Variants in LRP1B observed in about 807,000 individuals in gnomAD.
LRP1B encodes the protein LDL receptor related protein 1B, also known as low-density lipoprotein receptor-related protein 1B.
Under a neutral mutation model 556.6 loss-of-function variants are expected in LRP1B, and 217 were observed. That is an observed-to-expected ratio of 0.39 (90% CI 0.35 to 0.44). LRP1B has a LOEUF of 0.44. Ranked by LOEUF, LRP1B falls within the 20% of genes least tolerant of loss-of-function variation. The pLI is 1.00. For synonymous variants in LRP1B, 2,047 were observed against 1,865.8 expected (o/e 1.10, Z -2.50); for missense variants, 5,053 against 5,620.8 (o/e 0.90, Z 3.23).
chr2:141,030,347 A>G (rs533410606), intron 11 of LRP1B, among the ~76,000 whole-genome samples: 12 of 152,264 alleles, frequency 7.9e-5, no homozygotes, highest in African/African-American at 2.4e-4. Context: ...TTTTATGTAT[A>G]TCTCTATATC....
intron 41 of LRP1B, among the ~76,000 whole-genome samples, chr2:140,649,802 C>A (rs1234261248): frequency 2.0e-5 from 3 of 152,294 alleles, no homozygotes; most frequent in Non-Finnish European, 2.9e-5. Context: ...ATCTCTCAAC[C>A]AGTTTTACAT....
intron 32 of LRP1B, among the ~76,000 whole-genome samples, chr2:140,792,807 G>A (rs1376456061): frequency 2.0e-5 from 3 of 152,048 alleles, no homozygotes; most frequent in Non-Finnish European, 4.4e-5. Flanking sequence ...GTAACCCAGA[G>A]AGCAAAAGAG....
At chr2:141,322,219 G>A (rs570044715) in intron 3 of LRP1B, among the ~76,000 whole-genome samples, 5 of 152,160 alleles carry the variant, frequency 3.3e-5, no homozygotes, top group South Asian at 2.1e-4. Context: ...GAGGACAGAC[G>A]TACTCCTCTT....
intron 84 of LRP1B, 72 bp downstream of exon 84, chr2:140,297,736 A>T (rs1683665655): frequency 6.9e-7 from 1 of 1,456,996 alleles, no homozygotes; most frequent in Non-Finnish European, 9.3e-7. Flanking sequence ...AGATAATGGA[A>T]GGAGTGGATA....
At chr2:141,584,673 TAAC>T (rs1339666277) in intron 2 of LRP1B, among the ~76,000 whole-genome samples, 1 of 152,194 alleles carries the variant, frequency 6.6e-6, no homozygotes, top group Non-Finnish European at 1.5e-5. Context: ...ATGAAGTGAT[TAAC>T]AACATTTAAG....
intron 3 of LRP1B, among the ~76,000 whole-genome samples, chr2:141,477,084 T>C (rs112354212): frequency 0.06 from 9,086 of 151,792 alleles, 422 homozygotes; most frequent in African/African-American, 0.11. Context: ...GATAGCGCCA[T>C]TGCACTCCAG....
At chr2:141,793,313 C>G (rs545463907) in intron 2 of LRP1B, among the ~76,000 whole-genome samples, 9 of 151,950 alleles carry the variant, frequency 5.9e-5, no homozygotes, top group African/African-American at 2.2e-4. Flanking sequence ...TAAGGAGAAA[C>G]AGTTATTACA....
At chr2:141,210,502 A>G (rs2105250325) in intron 6 of LRP1B, among the ~76,000 whole-genome samples, 1 of 152,266 alleles carries the variant, frequency 6.6e-6, no homozygotes, top group East Asian at 1.9e-4. Flanking sequence ...ATTAAACATT[A>G]TGGGTTTCAA....
chr2:140,327,699 A>C (rs1680563019), intron 79 of LRP1B, among the ~76,000 whole-genome samples: 2 of 152,058 alleles, frequency 1.3e-5, no homozygotes, highest in African/African-American at 4.8e-5. Context: ...AATATTGATA[A>C]TCACAGAAAG....
chr2:141,225,202 G>A (rs369035423), intron 6 of LRP1B, among the ~76,000 whole-genome samples: 43 of 152,118 alleles, frequency 2.8e-4, no homozygotes, highest in African/African-American at 9.6e-4. Flanking sequence ...TACTGGATTG[G>A]AGTTGAGCCC....
chr2:141,425,771 GT>G (rs1680339151), intron 3 of LRP1B, among the ~76,000 whole-genome samples: 1 of 151,698 alleles, frequency 6.6e-6, no homozygotes, highest in Non-Finnish European at 1.5e-5. Flanking sequence ...GGAGTTGTTT[GT>G]TTTTTTCTTG....
chr2:141,305,522 T>TCATA (rs1686553196), intron 3 of LRP1B, among the ~76,000 whole-genome samples: 1 of 152,200 alleles, frequency 6.6e-6, no homozygotes, highest in South Asian at 2.1e-4. Flanking sequence ...AGACATAAGA[T>TCATA]CATACCATCA....
At chr2:141,221,008 C>A (rs1362487734) in intron 6 of LRP1B, among the ~76,000 whole-genome samples, 2 of 152,074 alleles carry the variant, frequency 1.3e-5, no homozygotes, top group Non-Finnish European at 2.9e-5. Flanking sequence ...ATTAACAAGT[C>A]TGCAGAATAA....
chr2:141,116,573 A>C (rs747430692), intron 7 of LRP1B, among the ~76,000 whole-genome samples: 24 of 152,140 alleles, frequency 1.6e-4, no homozygotes, highest in Non-Finnish European at 1.5e-4. Context: ...CGCCATCCCC[A>C]TGATAGTGCC....
intron 11 of LRP1B, among the ~76,000 whole-genome samples, chr2:141,041,795 G>A (rs760491367): frequency 6.8e-6 from 1 of 148,132 alleles, no homozygotes; most frequent in African/African-American, 2.5e-5. Context: ...TAATTTCCTT[G>A]ATTTGATCAT....
intron 23 of LRP1B, among the ~76,000 whole-genome samples, chr2:140,886,537 T>C (rs1032259578): frequency 2.0e-5 from 3 of 151,902 alleles, no homozygotes; most frequent in Non-Finnish European, 4.4e-5. Flanking sequence ...TATTAGGGAG[T>C]TTTTATTCCT....
chr2:141,641,240 A>G (rs947547130), intron 2 of LRP1B, among the ~76,000 whole-genome samples: 1 of 152,140 alleles, frequency 6.6e-6, no homozygotes, highest in Non-Finnish European at 1.5e-5. Flanking sequence ...GCCAGCAATG[A>G]TAATTGCATC....
intron 18 of LRP1B, among the ~76,000 whole-genome samples, chr2:140,955,227 T>C (rs766953519): frequency 6.6e-6 from 1 of 151,948 alleles, no homozygotes; most frequent in Admixed American, 6.6e-5. Context: ...GATTATTGTG[T>C]TTTAAAAACC....
chr2:140,762,649 A>C (rs569827205), intron 35 of LRP1B, among the ~76,000 whole-genome samples: 45 of 152,252 alleles, frequency 3.0e-4, no homozygotes, highest in African/African-American at 8.7e-4. Context: ...AAAATGATCC[A>C]CTTACTACTT....
Sources: allele counts gnomAD v4.1 joint callset (sites outside exome capture counted in the v4.1 genomes callset), GRCh38; gene constraint gnomAD v4.1.1; transcripts MANE v1.5; gene names NCBI Gene and HGNC (gene_info 2026-07-23, HGNC 2026-07-21).